The following RARB variants were observed in gnomAD, a reference collection of about 807,000 sequenced individuals.
RARB encodes HBV-activated protein.
RARB carries 17 observed loss-of-function variants against 51.9 expected under a neutral mutation model. That is an observed-to-expected ratio of 0.33 (90% CI 0.22 to 0.49). The LOEUF (loss-of-function observed/expected upper bound fraction) is 0.49. RARB is among the 20% of genes least tolerant of loss of function. The probability of loss-of-function intolerance (pLI) is 0.99; values close to 1 mark genes in which losing one functional copy is unlikely to be tolerated. For missense variants in RARB, 369 were observed against 550.8 expected, an observed-to-expected ratio of 0.67 and a Z score of 3.30; for synonymous variants, 215 against 195.4, an observed-to-expected ratio of 1.10 and a Z score of -0.84.
intron 3 of RARB, among the ~76,000 whole-genome samples, chr3:25,081,941 A>T (rs369896823): frequency 1.3e-5 from 2 of 151,690 alleles, no homozygotes; most frequent in East Asian, 3.9e-4. Context: ...CCTGCTTCAT[A>T]TATTTTTAAG....
chr3:25,027,016 C>T (rs1697763842), intron 2 of RARB, among the ~76,000 whole-genome samples: 3 of 151,970 alleles, frequency 2.0e-5, no homozygotes, highest in Admixed American at 2.0e-4. Flanking sequence ...TCTTTAAAAG[C>T]CAGCTAGCAA....
chr3:24,975,559 T>G (rs1426241691), intron 2 of RARB, among the ~76,000 whole-genome samples: 1 of 152,196 alleles, frequency 6.6e-6, no homozygotes, highest in Non-Finnish European at 1.5e-5. Context: ...TAATTTGCTC[T>G]AACATCCCTC....
At chr3:25,140,591 A>G (rs746576782) in intron 4 of RARB, among the ~76,000 whole-genome samples, 4 of 152,204 alleles carry the variant, frequency 2.6e-5, no homozygotes, top group Non-Finnish European at 5.9e-5. Flanking sequence ...TGCTGTGAAC[A>G]TTGTTGAAAT....
chr3:25,182,344 C>T (rs1023395980), intron 5 of RARB, among the ~76,000 whole-genome samples: 3 of 152,160 alleles, frequency 2.0e-5, no homozygotes, highest in Non-Finnish European at 4.4e-5. Flanking sequence ...GCAATTATGC[C>T]AGCCATGGGG....
chr3:25,074,948 T>C lies in RARB; in HGVS notation c.-328+14772T>C, dbSNP rs73141438. 9.4e-3 allele frequency among the ~76,000 whole-genome samples: 1,436 copies of C among 152,318 alleles called. 30 individuals carry two copies. Among genetic ancestry groups the C allele is most frequent in the African/African-American group, 0.033 (1,369 of 41,560 alleles). On this transcript the variant is annotated intron_variant, in intron 3 of 11. Coordinates refer to the RARB transcript ENST00000383772. ...TTTCCTCACATTTCTCAATCTTGGT[T>C]CCCAGTTCTATAGTTTCATGACATC...
At chr3:25,277,951 G>A (rs1575278139) in intron 5 of RARB, among the ~76,000 whole-genome samples, 1 of 152,116 alleles carries the variant, frequency 6.6e-6, no homozygotes, top group African/African-American at 2.4e-5. Flanking sequence ...CATAAATGAT[G>A]CCACACAATA....
chr3:24,855,293 A>G (rs1002801712), intron 1 of RARB, among the ~76,000 whole-genome samples: 1 of 152,212 alleles, frequency 6.6e-6, no homozygotes, highest in Non-Finnish European at 1.5e-5. Flanking sequence ...AAGGAAAAAC[A>G]GCAAAGGTCC....
At chr3:25,315,202 C>CA (rs1466541375) in intron 5 of RARB, among the ~76,000 whole-genome samples, 8 of 151,048 alleles carry the variant, frequency 5.3e-5, no homozygotes, top group Admixed American at 1.3e-4. Flanking sequence ...TCACACAATG[C>CA]AAAAAAAACT....
chr3:25,246,045 C>A (rs1323787261), intron 5 of RARB, among the ~76,000 whole-genome samples: 1 of 151,986 alleles, frequency 6.6e-6, no homozygotes, highest in African/African-American at 2.4e-5. Context: ...CTAATCTTGT[C>A]TTCATGCTTT....
At chr3:25,238,506 T>G (rs1702355896) in intron 5 of RARB, among the ~76,000 whole-genome samples, 1 of 152,186 alleles carries the variant, frequency 6.6e-6, no homozygotes, top group South Asian at 2.1e-4. Context: ...TGATGTTTTT[T>G]CCCTTGCGTA....
chr3:24,980,510 G>T (rs1194544562), intron 2 of RARB, among the ~76,000 whole-genome samples: 1 of 151,892 alleles, frequency 6.6e-6, no homozygotes, highest in South Asian at 2.1e-4. Flanking sequence ...TATTTAATTT[G>T]ATCTTCAGTC....
intron 5 of RARB, among the ~76,000 whole-genome samples, chr3:25,181,361 C>T (rs1246958388): frequency 6.6e-6 from 1 of 152,150 alleles, no homozygotes; most frequent in Non-Finnish European, 1.5e-5. Context: ...ACTTTTCCTT[C>T]ACTGCTTATC....
intron 5 of RARB, among the ~76,000 whole-genome samples, chr3:25,213,159 A>G (rs1041680754): frequency 1.3e-5 from 2 of 152,152 alleles, no homozygotes; most frequent in South Asian, 2.1e-4. Flanking sequence ...ACTGGTGTAC[A>G]TAATGCTTGG....
chr3:25,378,085 GGA>G (rs1575355175), intron 5 of RARB, among the ~76,000 whole-genome samples: 1 of 152,160 alleles, frequency 6.6e-6, no homozygotes, highest in African/African-American at 2.4e-5. Flanking sequence ...TTCATCTGTA[GGA>G]GAGAGACAGC....
At chr3:24,882,967 GGGT>G (rs1703196872) in intron 2 of RARB, among the ~76,000 whole-genome samples, 1 of 152,106 alleles carries the variant, frequency 6.6e-6, no homozygotes, top group Non-Finnish European at 1.5e-5. Context: ...CTCTTCTGAT[GGGT>G]GGTGGTGAGG....
intron 5 of RARB, among the ~76,000 whole-genome samples, chr3:25,266,758 G>C (rs1648953785): frequency 6.6e-6 from 1 of 152,168 alleles, no homozygotes; most frequent in South Asian, 2.1e-4. Context: ...TTTTAAAAGA[G>C]ACAGAGACAC....
intron 2 of RARB, among the ~76,000 whole-genome samples, chr3:25,056,284 G>T (rs985983527): frequency 2.0e-5 from 3 of 152,084 alleles, no homozygotes; most frequent in African/African-American, 7.2e-5. Context: ...AAATGGCTGG[G>T]TGTAGCACAT....
rs541818600 is a variant in RARB at position 25,361,180 on chromosome 3, T to C, written c.179-100013T>C. The stretch of plus-strand genomic sequence containing the variant: ...TTCTTGGACACTTTGTTCCTTCCGT[T>C]TCATTCTTTTTTCTCTAATCTTGTC... On this transcript the variant is annotated intron_variant, in intron 5 of 11. Transcript: ENST00000383772. Among the ~76,000 whole-genome samples, 4 of 152,336 alleles carry C rather than the reference T, an allele frequency of 2.6e-5. No individual in the cohort carries two copies. The South Asian group carries it at 6.2e-4, about 24-fold the overall frequency.
At chr3:25,195,978 T>C (rs776683642) in intron 5 of RARB, among the ~76,000 whole-genome samples, 3 of 152,062 alleles carry the variant, frequency 2.0e-5, no homozygotes, top group Non-Finnish European at 4.4e-5. Context: ...TTTGTGGTTA[T>C]ATTTGTTCCT....
Sources: allele counts gnomAD v4.1 joint callset (sites outside exome capture counted in the v4.1 genomes callset), GRCh38; gene constraint gnomAD v4.1.1; transcripts MANE v1.5; gene names NCBI Gene and HGNC (gene_info 2026-07-23, HGNC 2026-07-21).